Variants in LYRM4 observed in about 807,000 individuals in gnomAD.
LYRM4 encodes LYR motif-containing protein 4.
LYRM4 carries 9 observed loss-of-function variants against 11.7 expected under a neutral mutation model. That is an observed-to-expected ratio of 0.77 (90% CI 0.46 to 1.34). The LOEUF is 1.34. Among genes scored for constraint, LYRM4 ranks in the 40% most tolerant of loss-of-function variants. The pLI, the probability that LYRM4 is intolerant of heterozygous loss-of-function variation, is 0.00. For missense variants in LYRM4, 133 were observed against 112.5 expected, an observed-to-expected ratio of 1.18 and a Z score of -0.82; for synonymous variants, 42 against 40.4, an observed-to-expected ratio of 1.04 and a Z score of -0.15.
intron 2 of LYRM4, among the ~76,000 whole-genome samples, chr6:5,210,897 GTTTAT>G (rs904108859): frequency 6.6e-6 from 1 of 152,030 alleles, no homozygotes; most frequent in African/African-American, 2.4e-5. Flanking sequence ...ACTATATCCT[GTTTAT>G]CCATTCATTG....
At chr6:5,219,875 A>AC (rs1762485427) in intron 1 of LYRM4, among the ~76,000 whole-genome samples, 1 of 152,218 alleles carries the variant, frequency 6.6e-6, no homozygotes, top group Non-Finnish European at 1.5e-5. Context: ...CTAATGAGTC[A>AC]GACGCTGTCT....
At chr6:5,037,563 T>C in the LYRM4 span, among the ~76,000 whole-genome samples, 1 of 69,902 alleles carries the variant, frequency 1.4e-5, no homozygotes, top group African/African-American at 4.0e-5. Context: ...GCAGAGGGGC[T>C]CCTCACTTCC....
intron 1 of LYRM4, among the ~76,000 whole-genome samples, chr6:5,220,300 G>A (rs1258049841): frequency 6.6e-6 from 1 of 152,170 alleles, no homozygotes; most frequent in Non-Finnish European, 1.5e-5. Flanking sequence ...GCACTTGGAG[G>A]CTCATATCAG....
At chr6:5,054,116 T>C in the LYRM4 span, 4 of 985,746 alleles carry the variant, frequency 4.1e-6, no homozygotes, top group Non-Finnish European at 3.6e-6. Flanking sequence ...TCTGTCCTCA[T>C]GGCAGTCACC....
At chr6:5,232,410 T>C (rs943158073) in intron 1 of LYRM4, among the ~76,000 whole-genome samples, 1 of 152,222 alleles carries the variant, frequency 6.6e-6, no homozygotes, top group African/African-American at 2.4e-5. Flanking sequence ...AGAGCATGCC[T>C]GGCTTAGAAG....
At chr6:5,210,263 G>T (rs1010017005) in intron 2 of LYRM4, among the ~76,000 whole-genome samples, 3 of 152,154 alleles carry the variant, frequency 2.0e-5, no homozygotes, top group Non-Finnish European at 4.4e-5. Flanking sequence ...GAAGGGGACA[G>T]ATATTTATGT....
At position 5,164,817 on chromosome 6, in the gene LYRM4, A is replaced by C. The variant is rs531635142; in HGVS notation, c.207+51801T>G. ...ACCCAGTCTCTACTAAAAATTTAAA[A>C]ATTAGCTGGGTGTGGTGGTACACAC... On this transcript the variant is annotated intron_variant, in intron 2 of 2. Coordinates refer to ENST00000330636, the MANE Select transcript of LYRM4 (RefSeq NM_020408.6). Among the ~76,000 whole-genome samples, 3 of 152,170 alleles carry C rather than the reference A, an allele frequency of 2.0e-5. No homozygotes were observed. In the East Asian group the frequency reaches 5.8e-4, roughly 30 times the overall value.
intron 2 of LYRM4, among the ~76,000 whole-genome samples, chr6:5,213,613 G>A (rs1410194082): frequency 6.6e-6 from 1 of 152,130 alleles, no homozygotes; most frequent in Admixed American, 6.6e-5. Flanking sequence ...AACTCCATGA[G>A]GGTTAATATG....
At chr6:5,149,600 T>C (rs985110437) in intron 2 of LYRM4, among the ~76,000 whole-genome samples, 1 of 143,544 alleles carries the variant, frequency 7.0e-6, no homozygotes, top group Non-Finnish European at 1.5e-5. Context: ...CTGAAAATCT[T>C]GGTATGTCTT....
chr6:5,086,519 C>T, the LYRM4 span: 3 of 1,534,086 alleles, frequency 2.0e-6, no homozygotes, highest in Non-Finnish European at 1.7e-6. Context: ...AACGCGGGCG[C>T]CAACTACACG....
intron 2 of LYRM4, among the ~76,000 whole-genome samples, chr6:5,177,159 C>T (rs1259208869): frequency 2.6e-5 from 4 of 152,188 alleles, no homozygotes; most frequent in Admixed American, 2.6e-4. Context: ...GTGTCTTCCC[C>T]GTGTGTTTAA....
At position 5,260,814 on chromosome 6, in the gene LYRM4, G is replaced by A. The variant is rs1765044699; in HGVS notation, c.-81C>T. On this transcript the variant is annotated 5_prime_UTR_variant, in exon 1 of 3. Transcript: ENST00000330636. ...CAACCCACGAAACTCCAGCCTGTGCGGAAACCACGAACGAAATAAAATGCT... is the reference window on the plus strand; with the variant it reads ...CAACCCACGAAACTCCAGCCTGTGCAGAAACCACGAACGAAATAAAATGCT... 3 of 1,527,650 alleles carry A rather than the reference G, an allele frequency of 2.0e-6. No homozygotes were observed. The highest frequency in any genetic ancestry group is 1.4e-5 in the African/African-American group (1 of 72,044). The allele number at this position is 1,527,650 out of a possible 1,614,324, so 94.6% of individuals were successfully genotyped here.
At position 5,260,752 on chromosome 6, in the gene LYRM4, T is replaced by G. The variant is rs374797628; in HGVS notation, c.-19A>C. 1 of 1,540,372 alleles carries G rather than the reference T, an allele frequency of 6.5e-7. No homozygotes were observed. The highest frequency in any genetic ancestry group is 2.0e-5 in the Admixed American group (1 of 50,886). On this transcript the variant is annotated 5_prime_UTR_variant, in exon 1 of 3. Coordinates refer to ENST00000330636, the MANE Select transcript of LYRM4 (RefSeq NM_020408.6). ...CTGCCATTTTGGAAAGAAAAAAAAA[T>G]AAACGGGTCCTCTTCGCCGAGGTCC... is the stretch of plus-strand genomic sequence containing the variant.
chr6:5,128,003 C>T (rs1225464654), intron 2 of LYRM4, among the ~76,000 whole-genome samples: 1 of 152,196 alleles, frequency 6.6e-6, no homozygotes, highest in African/African-American at 2.4e-5. Flanking sequence ...CCAATGGAGA[C>T]ATCCTGCCGA....
At chr6:5,096,082 C>A in the LYRM4 span, among the ~76,000 whole-genome samples, 3 of 152,188 alleles carry the variant, frequency 2.0e-5, no homozygotes, top group Non-Finnish European at 4.4e-5. Flanking sequence ...AAGACATTTT[C>A]ATTGTGGAAA....
At chr6:5,197,618 G>A (rs1374576504) in intron 2 of LYRM4, among the ~76,000 whole-genome samples, 1 of 152,128 alleles carries the variant, frequency 6.6e-6, no homozygotes, top group East Asian at 1.9e-4. Context: ...AGGTTGCAGT[G>A]AGCCGAGATC....
intron 1 of LYRM4, among the ~76,000 whole-genome samples, chr6:5,218,681 G>T (rs549500234): frequency 2.0e-5 from 3 of 152,180 alleles, no homozygotes; most frequent in Admixed American, 1.3e-4. Context: ...GGGCTACAGC[G>T]ATTGGGCATG....
the LYRM4 span, among the ~76,000 whole-genome samples, chr6:5,073,678 T>G: frequency 6.6e-6 from 1 of 151,574 alleles, no homozygotes; most frequent in African/African-American, 2.4e-5. Context: ...CCACTTTCCA[T>G]GATCACCATA....
At chr6:5,177,189 G>T (rs1759768822) in intron 2 of LYRM4, among the ~76,000 whole-genome samples, 1 of 152,216 alleles carries the variant, frequency 6.6e-6, no homozygotes, top group African/African-American at 2.4e-5. Flanking sequence ...GCTCTTAACA[G>T]GTGTGACCAC....
Sources: gnomAD v4.1 joint callset for allele counts (sites outside exome capture counted in the v4.1 genomes callset) on GRCh38, gnomAD v4.1.1 for gene constraint, MANE v1.5 for transcripts, NCBI Gene and HGNC (gene_info 2026-07-23, HGNC 2026-07-21) for gene names.